The following IQCM variants were observed in gnomAD, a reference collection of about 807,000 sequenced individuals.
IQCM encodes IQ domain-containing protein M.
IQCM carries 45 observed loss-of-function variants against 57.6 expected under a neutral mutation model. That is an observed-to-expected ratio of 0.78 (90% CI 0.62 to 1.00). The LOEUF (loss-of-function observed/expected upper bound fraction) is 1.00. Among genes scored for constraint, IQCM ranks in the 50% least tolerant of loss-of-function variants. IQCM has a pLI of 0.00. For missense variants in IQCM, 468 were observed against 511.6 expected (o/e 0.91, Z 0.82); for synonymous variants, 148 against 158.9 (o/e 0.93, Z 0.51).
At chr4:149,722,007 C>T (rs925023234) in intron 5 of IQCM, among the ~76,000 whole-genome samples, 1 of 152,016 alleles carries the variant, frequency 6.6e-6, no homozygotes, top group Admixed American at 6.6e-5. Flanking sequence ...AATGTGGTAC[C>T]TCATTGTGGT....
intron 8 of IQCM, among the ~76,000 whole-genome samples, chr4:149,597,846 G>A (rs1753921621): frequency 6.6e-6 from 1 of 152,016 alleles, no homozygotes; most frequent in Non-Finnish European, 1.5e-5. Context: ...CAACAAAAAT[G>A]GAGAATAGTT....
intron 9 of IQCM, among the ~76,000 whole-genome samples, chr4:149,573,038 A>G (rs886877767): frequency 2.6e-5 from 4 of 151,904 alleles, no homozygotes; most frequent in African/African-American, 9.7e-5. Flanking sequence ...GTTTCATTAT[A>G]ATAGAAAAAA....
chr4:149,592,333 G>A (rs1343920923), intron 8 of IQCM, among the ~76,000 whole-genome samples: 4 of 151,914 alleles, frequency 2.6e-5, no homozygotes, highest in Admixed American at 6.6e-5. Context: ...ATTTGTTTAA[G>A]TTCTTTGTAA....
chr4:149,491,927 AT>A (rs993114838), intron 12 of IQCM, among the ~76,000 whole-genome samples: 16 of 149,980 alleles, frequency 1.1e-4, no homozygotes, highest in African/African-American at 3.2e-4. Context: ...GTTATCTTTC[AT>A]TTTTTTTCAT....
At chr4:149,550,277 T>G (rs556434346) in intron 11 of IQCM, among the ~76,000 whole-genome samples, 1 of 152,324 alleles carries the variant, frequency 6.6e-6, no homozygotes, top group African/African-American at 2.4e-5. Flanking sequence ...TTGCTTGATA[T>G]TGCACTCTTT....
chr4:149,747,591 G>A (rs971410081), intron 2 of IQCM, among the ~76,000 whole-genome samples: 3 of 152,098 alleles, frequency 2.0e-5, no homozygotes, highest in African/African-American at 4.8e-5. Context: ...TGGAATCCAC[G>A]GATACAGAGG....
At chr4:149,422,550 G>T (rs907672920) in intron 13 of IQCM, among the ~76,000 whole-genome samples, 1 of 152,142 alleles carries the variant, frequency 6.6e-6, no homozygotes, top group East Asian at 1.9e-4. Context: ...TGTTTACTTT[G>T]CCCAGAGAAA....
Position 149,422,057 on chromosome 4 carries a change from T to C in IQCM, c.1390+11339A>G, listed in dbSNP as rs1734156452. Among the ~76,000 whole-genome samples the C allele has an allele frequency of 2.6e-5, 4 of 152,044 alleles. No homozygotes were observed. In the South Asian group the frequency reaches 8.3e-4, roughly 32 times the overall value. On this transcript the variant is annotated intron_variant, in intron 13 of 13. Transcript: ENST00000636793. ...GACAACTATAAAAATTCCAAAGTAT[T>C]GTGAAAACATCTTCACTTCACTATG...
At chr4:149,690,262 T>G (rs896237154) in intron 5 of IQCM, among the ~76,000 whole-genome samples, 1 of 152,148 alleles carries the variant, frequency 6.6e-6, no homozygotes, top group Non-Finnish European at 1.5e-5. Flanking sequence ...AATGAATTAA[T>G]GGCATTTGCA....
intron 2 of IQCM, among the ~76,000 whole-genome samples, chr4:149,796,963 G>C (rs1033919955): frequency 1.3e-5 from 2 of 152,096 alleles, no homozygotes; most frequent in Admixed American, 6.6e-5. Context: ...AGCCCAGACT[G>C]CAAAGACTAC....
At chr4:149,373,279 T>C (rs1323560805) in intron 13 of IQCM, among the ~76,000 whole-genome samples, 1 of 152,102 alleles carries the variant, frequency 6.6e-6, no homozygotes. Flanking sequence ...TACAAGTAAA[T>C]TTCTCACAGT....
At chr4:149,497,516 G>A (rs939234262) in intron 12 of IQCM, among the ~76,000 whole-genome samples, 3 of 151,966 alleles carry the variant, frequency 2.0e-5, no homozygotes, top group African/African-American at 7.3e-5. Flanking sequence ...GAGAGCTTGT[G>A]CAGGGAAACT....
intron 13 of IQCM, among the ~76,000 whole-genome samples, chr4:149,405,840 T>C (rs1310315094): frequency 6.8e-6 from 1 of 147,050 alleles, no homozygotes; most frequent in Non-Finnish European, 1.5e-5. Context: ...TATATATATA[T>C]ATATATATAT....
chr4:149,432,934 T>G (rs1735006185), intron 13 of IQCM, among the ~76,000 whole-genome samples: 1 of 152,016 alleles, frequency 6.6e-6, no homozygotes, highest in South Asian at 2.1e-4. Flanking sequence ...CCAATATACA[T>G]GTATTAGATT....
At chr4:149,800,276 A>T (rs952315361) in intron 2 of IQCM, among the ~76,000 whole-genome samples, 1 of 151,908 alleles carries the variant, frequency 6.6e-6, no homozygotes, top group South Asian at 2.1e-4. Context: ...CACCTAAAAA[A>T]GTATTTAATA....
chr4:149,593,571 C>T (rs1046712186), intron 8 of IQCM, among the ~76,000 whole-genome samples: 1 of 152,060 alleles, frequency 6.6e-6, no homozygotes, highest in Non-Finnish European at 1.5e-5. Context: ...TTTGCCCATT[C>T]AGTATGATAT....
chr4:149,658,172 T>C (rs1759804972), intron 7 of IQCM, among the ~76,000 whole-genome samples: 1 of 152,166 alleles, frequency 6.6e-6, no homozygotes, highest in African/African-American at 2.4e-5. Context: ...TTGAGTTTAC[T>C]GTTGTACGTT....
At chr4:149,697,235 T>C (rs1335459262) in intron 5 of IQCM, among the ~76,000 whole-genome samples, 1 of 152,092 alleles carries the variant, frequency 6.6e-6, no homozygotes, top group African/African-American at 2.4e-5. Context: ...CCACAATGTT[T>C]CCCTTCAGGA....
At chr4:149,383,201 G>T (rs1388550667) in intron 13 of IQCM, among the ~76,000 whole-genome samples, 1 of 152,084 alleles carries the variant, frequency 6.6e-6, no homozygotes, top group East Asian at 1.9e-4. Flanking sequence ...TGCTTCCATT[G>T]CCATATGTAG....
Sources: allele counts gnomAD v4.1 joint callset (sites outside exome capture counted in the v4.1 genomes callset), GRCh38; gene constraint gnomAD v4.1.1; transcripts MANE v1.5; gene names NCBI Gene and HGNC (gene_info 2026-07-23, HGNC 2026-07-21).